FCGR3A: variants seen among roughly 807,000 people sequenced by gnomAD.
FCGR3A encodes low affinity immunoglobulin gamma Fc region receptor III-A.
FCGR3A carries 13 observed loss-of-function variants against 24.1 expected under a neutral mutation model. The observed-to-expected ratio is 0.54, with a 90% CI of 0.35 to 0.86. The LOEUF (loss-of-function observed/expected upper bound fraction) is 0.86. Ranked by LOEUF, FCGR3A falls within the 40% of genes least tolerant of loss-of-function variation. FCGR3A has a pLI of 0.01. For synonymous variants in FCGR3A, 93 were observed against 112.2 expected (o/e 0.83, Z 1.08); for missense variants, 235 against 298.0 (o/e 0.79, Z 1.56).
chr1:161,545,448 C>T (rs568564338), intron 3 of FCGR3A: 15 of 156,606 alleles, frequency 9.6e-5, no homozygotes, highest in East Asian at 1.9e-4. Context: ...ACGGTGGCCA[C>T]GGAGTGGCTG....
At chr1:161,546,885 A>T (rs1677435665) in intron 3 of FCGR3A, among the ~76,000 whole-genome samples, 1 of 152,050 alleles carries the variant, frequency 6.6e-6, no homozygotes, top group Non-Finnish European at 1.5e-5. Flanking sequence ...AGCTTGGGTG[A>T]CAGAGAGAGA....
Position 161,543,177 on chromosome 1 carries a change from T to A in FCGR3A, c.600A>T (p.Ser200=). The change falls in exon 5 of 5, where the codon TCA becomes TCT. Residue 200 remains serine (S), a synonymous_variant. Coordinates refer to ENST00000443193, the MANE Select transcript of FCGR3A (RefSeq NM_000569.8). ...CTTGGTACCCAGGTGGAAAGAATGA[T>A]GAGATGGTTGACACTGCCAAACCTA... ...ITQGLAVSTI[S]SFFPPGYQVS... The A allele has an allele frequency of 6.2e-7, 1 of 1,613,218 alleles. No homozygotes were observed. Among genetic ancestry groups the A allele is most frequent in the Non-Finnish European group, 8.5e-7 (1 of 1,179,502 alleles).
intron 3 of FCGR3A, chr1:161,545,915 T>C (rs1677371365): frequency 6.6e-6 from 1 of 152,110 alleles, no homozygotes; most frequent in Non-Finnish European, 1.5e-5. Context: ...AAGAAGGATA[T>C]GCACTTACAT....
intron 3 of FCGR3A, chr1:161,545,912 A>C (rs1431141240): frequency 6.6e-6 from 1 of 152,108 alleles, no homozygotes; most frequent in Non-Finnish European, 1.5e-5. Flanking sequence ...AAAAAGAAGG[A>C]TATGCACTTA....
intron 3 of FCGR3A, among the ~76,000 whole-genome samples, chr1:161,548,179 A>G (rs567818996): frequency 6.6e-6 from 1 of 152,416 alleles, no homozygotes; most frequent in East Asian, 1.9e-4. Flanking sequence ...TGCACTCCAT[A>G]TGGGGATTCT....
upstream of FCGR3A, chr1:161,549,860 A>G (rs544015023): frequency 1.1e-5 from 18 of 1,611,486 alleles, no homozygotes; most frequent in East Asian, 4.5e-5. Flanking sequence ...TCACCCACCA[A>G]TTTCCTTTTC....
At position 161,541,895 on chromosome 1, in the gene FCGR3A, C is replaced by T. The variant is rs15811; in HGVS notation, c.*1117G>A. On this transcript the variant is annotated 3_prime_UTR_variant, in exon 5 of 5. Coordinates refer to ENST00000443193, the MANE Select transcript of FCGR3A (RefSeq NM_000569.8). ...ACAAAACAGAGACAGCTAAAGCTTTCTTTCATAAGCAACAATTGTCTTCTC... is the reference window on the plus strand; with the variant it reads ...ACAAAACAGAGACAGCTAAAGCTTTTTTTCATAAGCAACAATTGTCTTCTC... 3 of 152,188 alleles carry T rather than the reference C, an allele frequency of 2.0e-5. No homozygotes were observed. Among genetic ancestry groups the T allele is most frequent in the Non-Finnish European group, 4.4e-5 (3 of 67,992 alleles). 9.4% of individuals were successfully genotyped at this position (152,188 alleles called of 1,614,324 possible).
Position 161,549,818 on chromosome 1 carries a change from C to G in FCGR3A, c.-82G>C. On this transcript the variant is annotated 5_prime_UTR_variant, in exon 1 of 5. Transcript: ENST00000443193. ...AACCGACTAGACAGGAGGAAGTAAA[C>G]AGCCTTTCCCCAGCCCCTCCACCCA... 2.5e-6 allele frequency: 4 copies of G among 1,613,792 alleles called. No individual in the cohort carries two copies. Among genetic ancestry groups the G allele is most frequent in the Non-Finnish European group, 2.5e-6 (3 of 1,179,866 alleles).
At chr1:161,550,050 A>G, upstream of FCGR3A, 3 of 611,496 alleles carry the variant, frequency 4.9e-6, no homozygotes, top group South Asian at 6.2e-5. Flanking sequence ...GCCCTCAGCC[A>G]TCCCAGGATG....
In FCGR3A at chr1:161,546,672, G is replaced by A. The variant is rs185650862; in HGVS notation, c.320-1714C>T. On this transcript the variant is annotated intron_variant, in intron 3 of 4. Coordinates refer to ENST00000443193, the MANE Select transcript of FCGR3A (RefSeq NM_000569.8). The stretch of plus-strand genomic sequence containing the variant: ...TGTAATCCTAGTACTTTGGGAGGCC[G>A]AGGTGGGCAGATCATGAAGTCAGGA... Among the ~76,000 whole-genome samples the A allele has an allele frequency of 2.2e-4, 33 of 152,074 alleles. 1 individual carries two copies. The highest frequency in any genetic ancestry group is 1.6e-3 in the Admixed American group (24 of 15,266).
chr1:161,550,094 C>T, upstream of FCGR3A: 1 of 576,034 alleles, frequency 1.7e-6, no homozygotes, highest in Non-Finnish European at 3.1e-6. Context: ...ATCCACCCAG[C>T]ACCAAGAATG....
chr1:161,549,892 C>T, upstream of FCGR3A: 1 of 1,599,420 alleles, frequency 6.3e-7, no homozygotes, highest in Non-Finnish European at 8.5e-7. Context: ...TCTGACTTCT[C>T]AGTCTGAAGT....
At chr1:161,547,997 G>C (rs1677512042) in intron 3 of FCGR3A, among the ~76,000 whole-genome samples, 1 of 152,306 alleles carries the variant, frequency 6.6e-6, no homozygotes, top group Non-Finnish European at 1.5e-5. Context: ...TACAACCCAA[G>C]GGGGCAGAAG....
At chr1:161,549,927 A>T (rs1677677184), upstream of FCGR3A, 3 of 1,521,812 alleles carry the variant, frequency 2.0e-6, no homozygotes, top group Non-Finnish European at 1.8e-6. Context: ...CCACCATAGA[A>T]CAGGACCAGG....
chr1:161,548,681 G>A lies in FCGR3A; in HGVS notation c.62-3C>T, dbSNP rs372866264. On this transcript the variant is annotated splice_region_variant and splice_polypyrimidine_tract_variant and intron_variant, in intron 2 of 4. Coordinates refer to ENST00000443193, the MANE Select transcript of FCGR3A (RefSeq NM_000569.8). ...CACCACAGCCTTTGGGAGATCTTCT[G>A]AGGAGCCAAGATAATGTGGGGTGAG... 3.7e-6 allele frequency: 6 copies of A among 1,613,742 alleles called. No individual in the cohort carries two copies. Among genetic ancestry groups the A allele is most frequent in the Non-Finnish European group, 4.2e-6 (5 of 1,179,840 alleles).
At chr1:161,544,154 C>T (rs1677273670) in intron 4 of FCGR3A, among the ~76,000 whole-genome samples, 1 of 151,854 alleles carries the variant, frequency 6.6e-6, no homozygotes, top group South Asian at 2.1e-4. Flanking sequence ...TTGTTTAGCA[C>T]AGAGTCTAGC....
In FCGR3A at chr1:161,544,761, T is replaced by A. The variant is rs1423326186; in HGVS notation, c.517A>T (p.Arg173Trp). The stretch of plus-strand genomic sequence containing the variant: ...ACATTTTTACTCCCAAAAAGCCCCC[T>A]GCAGAAGTAGGAGCCGCTGTCTTTG... ...TLKDSGSYFCRGLFGSKNVSS... is the reference protein window; with the variant it reads ...TLKDSGSYFCWGLFGSKNVSS... The change falls in exon 4 of 5, where the codon AGG (arginine) becomes TGG (tryptophan). Residue 173 changes from arginine to tryptophan, a missense_variant. Transcript: ENST00000443193. 1 of 1,613,056 alleles carries A rather than the reference T, an allele frequency of 6.2e-7. No individual in the cohort carries two copies. The highest frequency in any genetic ancestry group is 8.5e-7 in the Non-Finnish European group (1 of 1,179,290).
intron 3 of FCGR3A, among the ~76,000 whole-genome samples, chr1:161,547,118 GT>G (rs1255584796): frequency 6.6e-6 from 1 of 152,052 alleles, no homozygotes; most frequent in African/African-American, 2.4e-5. Flanking sequence ...AGGCAAACTA[GT>G]AACTCTTAGA....
In FCGR3A at chr1:161,546,259, C is replaced by A. The variant is rs116056916; in HGVS notation, c.320-1301G>T. Among the ~76,000 whole-genome samples the A allele has an allele frequency of 5.2e-3, 796 of 152,170 alleles. 13 individuals carry two copies. The highest frequency in any genetic ancestry group is 0.017 in the Middle Eastern group (5 of 294). On this transcript the variant is annotated intron_variant, in intron 3 of 4. Transcript: ENST00000443193. ...GTGCCTATCTATCCACTTACTTTTT[C>A]AGCAGAGAGATGAATCATTATTAGC...
Sources: gnomAD v4.1 joint callset for allele counts (sites outside exome capture counted in the v4.1 genomes callset) on GRCh38, gnomAD v4.1.1 for gene constraint, MANE v1.5 for transcripts, NCBI Gene and HGNC (gene_info 2026-07-23, HGNC 2026-07-21) for gene names.